Variants in GRIK1 observed in about 807,000 individuals in gnomAD.
GRIK1 encodes glutamate ionotropic receptor kainate type subunit 1, also known as glutamate receptor ionotropic, kainate 1.
Under a neutral mutation model 105.7 loss-of-function variants are expected in GRIK1, and 69 were observed. That is an observed-to-expected ratio of 0.65 (90% confidence interval 0.54 to 0.80). GRIK1 has a LOEUF of 0.80. Among genes scored for constraint, GRIK1 ranks in the 30% least tolerant of loss-of-function variants. The pLI is 0.00. For synonymous variants in GRIK1, 438 were observed against 431.3 expected (o/e 1.02, Z -0.19); for missense variants, 1,109 against 1,167.3 (o/e 0.95, Z 0.73).
intron 1 of GRIK1, among the ~76,000 whole-genome samples, chr21:29,845,426 T>G (rs2068086646): frequency 6.6e-6 from 1 of 152,190 alleles, no homozygotes; most frequent in Admixed American, 6.5e-5. Context: ...TCTGTCATGT[T>G]TCTGTGGTTT....
chr21:29,640,585 C>A (rs2062491758), intron 7 of GRIK1, among the ~76,000 whole-genome samples: 1 of 152,060 alleles, frequency 6.6e-6, no homozygotes, highest in African/African-American at 2.4e-5. Flanking sequence ...AGTGTGGTCC[C>A]TCATCTTGGA....
At chr21:29,670,935 C>T (rs960940271) in intron 4 of GRIK1, among the ~76,000 whole-genome samples, 4 of 152,104 alleles carry the variant, frequency 2.6e-5, no homozygotes, top group African/African-American at 9.7e-5. Context: ...GTTAATGTAA[C>T]TATAACGTAG....
intron 9 of GRIK1, among the ~76,000 whole-genome samples, chr21:29,592,429 G>A (rs557463349): frequency 2.2e-4 from 33 of 152,306 alleles, no homozygotes; most frequent in Non-Finnish European, 7.4e-5. Flanking sequence ...GGGTTGTGAG[G>A]TGGTGTAGAA....
intron 1 of GRIK1, among the ~76,000 whole-genome samples, chr21:29,807,992 T>C (rs952892554): frequency 3.3e-5 from 5 of 152,134 alleles, no homozygotes; most frequent in East Asian, 1.9e-4. Flanking sequence ...AAAGAGGACA[T>C]GTTAAATTCC....
intron 1 of GRIK1, among the ~76,000 whole-genome samples, chr21:29,775,340 T>C (rs926236589): frequency 6.6e-6 from 1 of 151,168 alleles, no homozygotes; most frequent in African/African-American, 2.4e-5. Context: ...CCTTAAACCA[T>C]TGAAGAATCA....
At chr21:29,546,452 C>A (rs1222631211) in intron 16 of GRIK1, among the ~76,000 whole-genome samples, 1 of 152,190 alleles carries the variant, frequency 6.6e-6, no homozygotes, top group Non-Finnish European at 1.5e-5. Flanking sequence ...GTCCAGGATT[C>A]CCTTTTAATT....
At chr21:29,656,379 AAAAAAAAAAAG>A in intron 4 of GRIK1, among the ~76,000 whole-genome samples, 1 of 147,292 alleles carries the variant, frequency 6.8e-6, no homozygotes, top group East Asian at 2.0e-4. Context: ...AAAAAAAAAA[AAAAAAAAAAAG>A]AAATGAAGAG....
At chr21:29,817,786 G>A (rs542477480) in intron 1 of GRIK1, among the ~76,000 whole-genome samples, 1 of 152,230 alleles carries the variant, frequency 6.6e-6, no homozygotes, top group South Asian at 2.1e-4. Context: ...AGGGTTGTTT[G>A]TTGCTGCAGC....
intron 16 of GRIK1, among the ~76,000 whole-genome samples, chr21:29,541,573 G>GTTTTTTTTTTTTTTTTTTTTTT (rs1202014711): frequency 1.2e-5 from 1 of 83,742 alleles, no homozygotes; most frequent in African/African-American, 7.3e-5. Flanking sequence ...TGCACTCACG[G>GTTTTTTTTTTTTTTTTTTTTTT]TCTTTTTTTT....
intron 7 of GRIK1, among the ~76,000 whole-genome samples, chr21:29,619,053 G>T (rs1404141218): frequency 1.3e-5 from 2 of 150,896 alleles, no homozygotes; most frequent in African/African-American, 4.9e-5. Flanking sequence ...GTGAACCCAG[G>T]AGGCGGAGCT....
chr21:29,539,464 CACTTA>C (rs2089935214), intron 16 of GRIK1, among the ~76,000 whole-genome samples: 1 of 152,154 alleles, frequency 6.6e-6, no homozygotes. Context: ...GTTGTATGGG[CACTTA>C]AAGTATGGTT....
intron 16 of GRIK1, among the ~76,000 whole-genome samples, chr21:29,550,366 A>G (rs2090113902): frequency 6.6e-6 from 1 of 152,324 alleles, no homozygotes; most frequent in African/African-American, 2.4e-5. Flanking sequence ...TACATACTGC[A>G]TAGGATTAGT....
intron 1 of GRIK1, among the ~76,000 whole-genome samples, chr21:29,892,658 C>T (rs529030856): frequency 5.3e-5 from 8 of 152,294 alleles, no homozygotes; most frequent in Admixed American, 2.6e-4. Context: ...GGACAGGATC[C>T]ACAAGCTGGA....
At chr21:29,761,812 A>T (rs2065531978) in intron 1 of GRIK1, among the ~76,000 whole-genome samples, 1 of 137,274 alleles carries the variant, frequency 7.3e-6, no homozygotes, top group Non-Finnish European at 1.5e-5. Flanking sequence ...AAATGGCGTG[A>T]TCTCAGCTCA....
At chr21:29,775,631 ACT>A (rs1232372741) in intron 1 of GRIK1, among the ~76,000 whole-genome samples, 2 of 152,024 alleles carry the variant, frequency 1.3e-5, no homozygotes, top group Non-Finnish European at 2.9e-5. Flanking sequence ...AGGTCTCCTG[ACT>A]CTGCTCCATG....
intron 1 of GRIK1, among the ~76,000 whole-genome samples, chr21:29,928,490 A>T (rs1488321430): frequency 6.6e-6 from 1 of 152,208 alleles, no homozygotes; most frequent in Admixed American, 6.5e-5. Context: ...GGAGGACCAT[A>T]GTGTACAATT....
At chr21:29,640,755 A>G (rs1351006331) in intron 7 of GRIK1, among the ~76,000 whole-genome samples, 1 of 152,190 alleles carries the variant, frequency 6.6e-6, no homozygotes. Context: ...AGATAAAAGA[A>G]AACCAGCTGT....
chr21:29,939,344 G>C (rs1468435684), intron 1 of GRIK1, 39 bp downstream of exon 1: 1 of 1,227,016 alleles, frequency 8.1e-7, no homozygotes, highest in Non-Finnish European at 1.2e-6. Context: ...TGCGGCGACC[G>C]ACCACGTCTC....
chr21:29,929,481 A>C (rs1164512586), intron 1 of GRIK1, among the ~76,000 whole-genome samples: 1 of 152,224 alleles, frequency 6.6e-6, no homozygotes, highest in Non-Finnish European at 1.5e-5. Flanking sequence ...GCAAGAATGA[A>C]CTGTATAAAT....
Sources: gnomAD v4.1 joint callset for allele counts (sites outside exome capture counted in the v4.1 genomes callset) on GRCh38, gnomAD v4.1.1 for gene constraint, MANE v1.5 for transcripts, NCBI Gene and HGNC (gene_info 2026-07-23, HGNC 2026-07-21) for gene names.